GABPB1: variants seen among roughly 807,000 people sequenced by gnomAD.
The protein encoded by GABPB1 is GA-binding protein subunit beta-1.
Under a neutral mutation model 45.9 loss-of-function variants are expected in GABPB1, and 15 were observed. The ratio of observed to expected loss-of-function variants is 0.33; its 90% CI spans 0.22 to 0.50. The LOEUF (loss-of-function observed/expected upper bound fraction) is 0.50, where lower values mean the gene tolerates loss of function less well. Ranked by LOEUF, GABPB1 falls within the 20% of genes least tolerant of loss-of-function variation. The probability of loss-of-function intolerance (pLI) is 0.98; values close to 1 mark genes in which losing one functional copy is unlikely to be tolerated. For missense variants in GABPB1, 252 were observed against 457.5 expected, an observed-to-expected ratio of 0.55 and a Z score of 4.10; for synonymous variants, 143 against 154.4, an observed-to-expected ratio of 0.93 and a Z score of 0.55.
intron 4 of GABPB1, 24 bp from the exon 5 acceptor site, chr15:50,301,392 T>C (rs778009901): frequency 3.1e-6 from 5 of 1,598,118 alleles, no homozygotes; most frequent in Non-Finnish European, 4.3e-6. Context: ...GACCACAGTG[T>C]TTTCAGAATT....
chr15:50,338,001 A>T (rs917138299), intron 1 of GABPB1, among the ~76,000 whole-genome samples: 1 of 152,206 alleles, frequency 6.6e-6, no homozygotes, highest in Non-Finnish European at 1.5e-5. Context: ...CATTCAAAAA[A>T]AAATTTAAAC....
intron 1 of GABPB1, among the ~76,000 whole-genome samples, chr15:50,326,816 A>T (rs991114293): frequency 6.6e-5 from 10 of 151,818 alleles, no homozygotes; most frequent in African/African-American, 2.4e-4. Flanking sequence ...CCTAGGCAAA[A>T]GAGCAAGACC....
In GABPB1 at chr15:50,282,781, G is replaced by T. The variant is rs535298055; in HGVS notation, c.999+3287C>A. ...ATAAAAATAAAATTTACAGCCGTGC[G>T]CAGTGGCTCATGCCTATAATCCCAG... is the stretch of plus-strand genomic sequence containing the variant. On this transcript the variant is annotated intron_variant, in intron 8 of 8. Coordinates refer to ENST00000380877, the MANE Select transcript of GABPB1 (RefSeq NM_016654.5). Among the ~76,000 whole-genome samples the T allele has an allele frequency of 5.3e-5, 8 of 152,248 alleles. No individual in the cohort carries two copies. The South Asian group carries it at 1.5e-3, about 28-fold the overall frequency.
Position 50,303,975 on chromosome 15 carries a change from A to C in GABPB1, c.267T>G (p.Val89=), listed in dbSNP as rs780863669. The change falls in exon 3 of 9, where the codon GTT becomes GTG. Residue 89 remains valine (V), a synonymous_variant. Coordinates refer to ENST00000380877, the MANE Select transcript of GABPB1 (RefSeq NM_016654.5). ...AAAAGAGAACACATACCTTAAGTAA[A>C]ACCTCTACTATGCTGGCATGGCCCT... ...ASEGHASIVE[V]LLKHGADVNA... 1.3e-6 allele frequency: 2 copies of C among 1,596,194 alleles called. No homozygotes were observed. Among genetic ancestry groups the C allele is most frequent in the Non-Finnish European group, 1.7e-6 (2 of 1,174,230 alleles).
At position 50,300,429 on chromosome 15, in the gene GABPB1, GTTTTTGGTTTTTTTT is replaced by G. The variant is rs1254364517; in HGVS notation, c.697+345_697+359del. On this transcript the variant is annotated intron_variant, in intron 6 of 8. Coordinates refer to ENST00000380877, the MANE Select transcript of GABPB1 (RefSeq NM_016654.5). ...TTTGTAAATATTTGAATCTGCAACT[GTTTTTGGTTTTTTTT>G]TTTTTTTTTTTTTTTTGAGACAGAG... 3.7e-3 allele frequency among the ~76,000 whole-genome samples: 270 copies of G among 72,178 alleles called. 4 individuals carry two copies. Among genetic ancestry groups the G allele is most frequent in the African/African-American group, 0.013 (252 of 19,570 alleles). The allele number at this position is 72,178 out of a possible 152,430, so 47.4% of individuals were successfully genotyped here.
At chr15:50,292,052 C>T (rs181660548) in intron 6 of GABPB1, among the ~76,000 whole-genome samples, 7 of 151,826 alleles carry the variant, frequency 4.6e-5, no homozygotes, top group East Asian at 2.0e-4. Context: ...TAAATCATTG[C>T]GGCCGGGCGC....
intron 1 of GABPB1, among the ~76,000 whole-genome samples, chr15:50,337,257 G>A (rs1225829989): frequency 6.6e-6 from 1 of 151,014 alleles, no homozygotes; most frequent in Non-Finnish European, 1.5e-5. Flanking sequence ...AGCACACGTT[G>A]GAGGTGACAG....
At chr15:50,343,126 C>G (rs565445439) in intron 1 of GABPB1, among the ~76,000 whole-genome samples, 2 of 152,284 alleles carry the variant, frequency 1.3e-5, no homozygotes, top group Admixed American at 1.3e-4. Flanking sequence ...GTCTCGATCT[C>G]CTGACTTCGT....
chr15:50,304,250 A>G (rs532587552), intron 2 of GABPB1, 117 bp from the exon 3 acceptor site: 118 of 675,434 alleles, frequency 1.7e-4, no homozygotes, highest in Non-Finnish European at 2.4e-4. Flanking sequence ...AAAACTCAAA[A>G]GAAATGCCTA....
At chr15:50,302,862 A>G (rs1005151667) in intron 4 of GABPB1, 67 bp downstream of exon 4, 5 of 1,056,584 alleles carry the variant, frequency 4.7e-6, no homozygotes, top group East Asian at 5.0e-5. Context: ...CATGCACAAT[A>G]TAAGAGATCC....
chr15:50,305,559 G>C (rs1352574982), intron 2 of GABPB1, among the ~76,000 whole-genome samples: 5 of 152,092 alleles, frequency 3.3e-5, no homozygotes, highest in African/African-American at 1.2e-4. Context: ...GCAGATCAAA[G>C]AAGATCCTTA....
chr15:50,343,329 T>C (rs1232795739), intron 1 of GABPB1, among the ~76,000 whole-genome samples: 5 of 152,028 alleles, frequency 3.3e-5, no homozygotes, highest in Non-Finnish European at 5.9e-5. Context: ...TCTATCATTC[T>C]CCCCCTTAGT....
chr15:50,304,261 G>T, intron 2 of GABPB1, 128 bp from the exon 3 acceptor site: 1 of 594,712 alleles, frequency 1.7e-6, no homozygotes, highest in South Asian at 4.5e-5. Context: ...GAAATGCCTA[G>T]ATTCATGCTT....
chr15:50,293,806 A>G (rs2046424897), intron 6 of GABPB1, among the ~76,000 whole-genome samples: 1 of 152,198 alleles, frequency 6.6e-6, no homozygotes, highest in Non-Finnish European at 1.5e-5. Flanking sequence ...TTTCTTTTTA[A>G]GTTGTGCTAT....
chr15:50,313,593 A>G (rs1441343467), intron 1 of GABPB1, among the ~76,000 whole-genome samples: 1 of 152,136 alleles, frequency 6.6e-6, no homozygotes, highest in East Asian at 1.9e-4. Flanking sequence ...AATGTGACCA[A>G]TCTAAAGGTA....
intron 6 of GABPB1, among the ~76,000 whole-genome samples, chr15:50,295,298 CT>C (rs1275377902): frequency 6.6e-6 from 1 of 152,128 alleles, no homozygotes; most frequent in Non-Finnish European, 1.5e-5. Flanking sequence ...ATAATCTCAC[CT>C]TCAACCACCT....
chr15:50,280,410 T>C (rs1000200355), intron 8 of GABPB1, among the ~76,000 whole-genome samples: 5 of 152,178 alleles, frequency 3.3e-5, no homozygotes, highest in Non-Finnish European at 7.3e-5. Context: ...TCCCAGGAGC[T>C]AGACCACAGC....
At chr15:50,314,968 T>A (rs956461559) in intron 1 of GABPB1, among the ~76,000 whole-genome samples, 1 of 152,256 alleles carries the variant, frequency 6.6e-6, no homozygotes, top group African/African-American at 2.4e-5. Flanking sequence ...TGTGCTGGTA[T>A]AAGTATTTTA....
chr15:50,322,474 A>G (rs1222909566), intron 1 of GABPB1, among the ~76,000 whole-genome samples: 1 of 151,958 alleles, frequency 6.6e-6, no homozygotes, highest in African/African-American at 2.4e-5. Flanking sequence ...TGAATCAAGG[A>G]GATGGAGGTT....
Sources: allele counts gnomAD v4.1 joint callset (sites outside exome capture counted in the v4.1 genomes callset), GRCh38; gene constraint gnomAD v4.1.1; transcripts MANE v1.5; gene names NCBI Gene and HGNC (gene_info 2026-07-23, HGNC 2026-07-21).